The following CDH12 variants were observed in gnomAD, a reference collection of about 807,000 sequenced individuals.
The protein encoded by CDH12 is cadherin 12, also known as cadherin-12.
CDH12 carries 41 observed loss-of-function variants against 74.1 expected under a neutral mutation model. The ratio of observed to expected loss-of-function variants is 0.55; its 90% confidence interval spans 0.43 to 0.72. The LOEUF (loss-of-function observed/expected upper bound fraction) is 0.72. CDH12 is among the 30% of genes least tolerant of loss of function. The probability of loss-of-function intolerance (pLI) is 0.00; values close to 1 mark genes in which losing one functional copy is unlikely to be tolerated. For missense variants in CDH12, 945 were observed against 977.2 expected (o/e 0.97, Z 0.44); for synonymous variants, 399 against 355.0 (o/e 1.12, Z -1.39).
chr5:22,585,347 T>A (rs1373984308), intron 1 of CDH12, among the ~76,000 whole-genome samples: 1 of 152,144 alleles, frequency 6.6e-6, no homozygotes. Context: ...TTTCCTGCAG[T>A]TTCACAATGA....
intron 3 of CDH12, among the ~76,000 whole-genome samples, chr5:22,273,228 A>T (rs1026767312): frequency 6.6e-6 from 1 of 152,184 alleles, no homozygotes; most frequent in Non-Finnish European, 1.5e-5. Flanking sequence ...CTGATCACAG[A>T]TTACCATCAA....
intron 2 of CDH12, among the ~76,000 whole-genome samples, chr5:22,415,279 A>G (rs1743334591): frequency 6.6e-6 from 1 of 152,202 alleles, no homozygotes; most frequent in Admixed American, 6.5e-5. Flanking sequence ...TATAATTTTA[A>G]AACTTAATTT....
At chr5:21,849,543 T>C (rs1314029646) in intron 7 of CDH12, among the ~76,000 whole-genome samples, 1 of 151,822 alleles carries the variant, frequency 6.6e-6, no homozygotes, top group Admixed American at 6.6e-5. Context: ...TTAGCGTCTA[T>C]TGATTTCCTT....
intron 2 of CDH12, among the ~76,000 whole-genome samples, chr5:22,475,190 G>C (rs1262017678): frequency 6.6e-6 from 1 of 151,484 alleles, no homozygotes; most frequent in East Asian, 1.9e-4. Context: ...CCAAATGGAT[G>C]GCCCCAAAAT....
At chr5:22,463,352 A>G (rs891118730) in intron 2 of CDH12, among the ~76,000 whole-genome samples, 1 of 152,180 alleles carries the variant, frequency 6.6e-6, no homozygotes, top group African/African-American at 2.4e-5. Context: ...TGTGAATGCT[A>G]AGTATCCTGT....
At chr5:22,848,492 A>T (rs1397435870) in intron 1 of CDH12, among the ~76,000 whole-genome samples, 1 of 152,154 alleles carries the variant, frequency 6.6e-6, no homozygotes. Flanking sequence ...TAACACCATA[A>T]ATTTGTAATA....
At position 22,406,568 on chromosome 5, in the gene CDH12, C is replaced by A. The variant is rs1580614907; in HGVS notation, c.-427-1217G>T. On this transcript the variant is annotated intron_variant, in intron 2 of 14. Transcript: ENST00000382254. ...ATAAAAAATATATTATTCTTTCCACCAGAAAGAAGAAAAGATATTATTTTC... is the reference window on the plus strand; with the variant it reads ...ATAAAAAATATATTATTCTTTCCACAAGAAAGAAGAAAAGATATTATTTTC... 2.0e-5 allele frequency among the ~76,000 whole-genome samples: 3 copies of A among 152,012 alleles called. 1 individual carries two copies. The highest frequency in any genetic ancestry group is 6.6e-5 in the Admixed American group (1 of 15,256).
intron 5 of CDH12, among the ~76,000 whole-genome samples, chr5:22,026,263 C>A (rs910657543): frequency 1.3e-5 from 2 of 152,110 alleles, no homozygotes; most frequent in African/African-American, 4.8e-5. Flanking sequence ...GACATGATCC[C>A]TAGTGGAAAG....
chr5:22,097,844 G>A (rs186073552), intron 4 of CDH12, among the ~76,000 whole-genome samples: 39 of 152,062 alleles, frequency 2.6e-4, no homozygotes, highest in Non-Finnish European at 5.0e-4. Flanking sequence ...CCCACAGCAC[G>A]CTTTGAGAAG....
intron 2 of CDH12, among the ~76,000 whole-genome samples, chr5:22,469,770 A>G (rs1745882325): frequency 6.6e-6 from 1 of 152,132 alleles, no homozygotes; most frequent in African/African-American, 2.4e-5. Context: ...ATTATAGGGA[A>G]ATCATGAATG....
intron 3 of CDH12, among the ~76,000 whole-genome samples, chr5:22,257,308 A>G (rs1753352622): frequency 6.6e-6 from 1 of 152,112 alleles, no homozygotes; most frequent in African/African-American, 2.4e-5. Context: ...CTGCACTTGT[A>G]TCCCTGAACT....
intron 2 of CDH12, among the ~76,000 whole-genome samples, chr5:22,440,110 T>C (rs1744565194): frequency 6.6e-6 from 1 of 152,058 alleles, no homozygotes. Flanking sequence ...ACATAAGATG[T>C]GGTTCTTAAC....
intron 13 of CDH12, among the ~76,000 whole-genome samples, chr5:21,756,331 T>C (rs1158987859): frequency 6.6e-6 from 1 of 152,072 alleles, no homozygotes; most frequent in African/African-American, 2.4e-5. Flanking sequence ...GTTATATATG[T>C]TTGTATGTAT....
At chr5:22,306,043 T>TA (rs1738091775) in intron 3 of CDH12, among the ~76,000 whole-genome samples, 1 of 152,160 alleles carries the variant, frequency 6.6e-6, no homozygotes, top group African/African-American at 2.4e-5. Context: ...ACTGACCAAT[T>TA]GAACTGTTAT....
At chr5:22,227,325 C>A (rs1752230889) in intron 3 of CDH12, among the ~76,000 whole-genome samples, 1 of 151,940 alleles carries the variant, frequency 6.6e-6, no homozygotes, top group Non-Finnish European at 1.5e-5. Flanking sequence ...ACTCAGAGAT[C>A]CCAAGGGTAT....
chr5:21,866,581 T>A (rs1029150291), intron 6 of CDH12, among the ~76,000 whole-genome samples: 1 of 152,138 alleles, frequency 6.6e-6, no homozygotes, highest in African/African-American at 2.4e-5. Context: ...TTAGGGTACT[T>A]GGTGGAAGAA....
intron 1 of CDH12, among the ~76,000 whole-genome samples, chr5:22,523,983 T>TATTATTA (rs1554047101): frequency 9.1e-6 from 1 of 109,900 alleles, no homozygotes; most frequent in African/African-American, 2.9e-5. Context: ...TTATTATTAT[T>TATTATTA]TTTTTTTTTT....
At chr5:21,971,767 T>C (rs530358727) in intron 6 of CDH12, among the ~76,000 whole-genome samples, 1 of 152,284 alleles carries the variant, frequency 6.6e-6, no homozygotes, top group East Asian at 1.9e-4. Context: ...AGTCCAAACT[T>C]GTCTCCAAGG....
chr5:22,514,909 G>A (rs1736746278), intron 1 of CDH12, among the ~76,000 whole-genome samples: 1 of 152,104 alleles, frequency 6.6e-6, no homozygotes, highest in Non-Finnish European at 1.5e-5. Flanking sequence ...TTAGAGATGT[G>A]ATTATGTTTT....
Sources: allele counts gnomAD v4.1 joint callset (sites outside exome capture counted in the v4.1 genomes callset), GRCh38; gene constraint gnomAD v4.1.1; transcripts MANE v1.5; gene names NCBI Gene and HGNC (gene_info 2026-07-23, HGNC 2026-07-21).